The following IST1 variants were observed in gnomAD, a reference collection of about 807,000 sequenced individuals.
IST1 encodes IST1 factor associated with ESCRT-III, also known as IST1 homolog.
Under a neutral mutation model 37.0 loss-of-function variants are expected in IST1, and 23 were observed. The observed-to-expected ratio is 0.62, with a 90% CI of 0.45 to 0.88. The LOEUF (loss-of-function observed/expected upper bound fraction) is 0.88. Ranked by LOEUF, IST1 falls within the 40% of genes least tolerant of loss-of-function variation. IST1 has a pLI of 0.00. For missense variants in IST1, 488 were observed against 445.4 expected, an observed-to-expected ratio of 1.10 and a Z score of -0.86; for synonymous variants, 180 against 161.7, an observed-to-expected ratio of 1.11 and a Z score of -0.86.
At chr16:71,922,753 C>A in intron 7 of IST1, 73 bp downstream of exon 7, 2 of 1,256,556 alleles carry the variant, frequency 1.6e-6, no homozygotes, top group Non-Finnish European at 2.3e-6. Flanking sequence ...TGAACACACT[C>A]AGGAATCATA....
chr16:71,894,772 G>T, upstream of IST1: 1 of 1,267,452 alleles, frequency 7.9e-7, no homozygotes, highest in Non-Finnish European at 1.1e-6. Context: ...CCGGGCTCAA[G>T]CGATCCTCCC....
At chr16:71,927,509 G>C in intron 9 of IST1, 105 bp from the exon 10 acceptor site, 1 of 801,524 alleles carries the variant, frequency 1.2e-6, no homozygotes, top group Non-Finnish European at 2.0e-6. Context: ...AAAAGTTTGT[G>C]AACTAAGGTT....
intron 1 of IST1, among the ~76,000 whole-genome samples, chr16:71,904,203 A>C (rs1397805465): frequency 6.6e-6 from 1 of 152,124 alleles, no homozygotes; most frequent in African/African-American, 2.4e-5. Flanking sequence ...CGCTCGCTGC[A>C]ATCTCTGCCT....
At position 71,929,552 on chromosome 16, in the gene IST1, C is replaced by G; in HGVS notation, c.*1739C>G. The G allele has an allele frequency of 1.3e-6, 2 of 1,550,974 alleles. No homozygotes were observed. The highest frequency in any genetic ancestry group is 1.2e-5 in the South Asian group (1 of 83,824). On this transcript the variant is annotated 3_prime_UTR_variant, in exon 10 of 10. Transcript: ENST00000378799. The stretch of plus-strand genomic sequence containing the variant: ...AGATAACAGGATTAAGGTAGTTCAT[C>G]TAAAACTTCAGTGTCACTGCCCACT...
intron 1 of IST1, among the ~76,000 whole-genome samples, chr16:71,897,123 C>T (rs974488367): frequency 9.2e-5 from 14 of 151,690 alleles, no homozygotes; most frequent in African/African-American, 2.2e-4. Flanking sequence ...AAGTGATCCT[C>T]CCGCCCCAGC....
chr16:71,921,473 C>A lies in IST1; in HGVS notation c.552+20C>A, dbSNP rs1238596145. Reference sequence around the variant, plus strand: ...GTCATGGTAAGTTTATCCCAGAATACAAAGAAAAATGAGTTTGTAGGTATG... The same window carrying A: ...GTCATGGTAAGTTTATCCCAGAATAAAAAGAAAAATGAGTTTGTAGGTATG... On this transcript the variant is annotated intron_variant, in intron 6 of 9. Transcript: ENST00000378799. The A allele has an allele frequency of 2.0e-6, 3 of 1,469,574 alleles. No individual in the cohort carries two copies. The highest frequency in any genetic ancestry group is 1.7e-5 in the Admixed American group (1 of 58,006). 91.0% of individuals were successfully genotyped at this position (1,469,574 alleles called of 1,614,324 possible). A position where few individuals can be genotyped will look rare whatever the true frequency, so the allele number is the denominator to read the frequency against.
At position 71,917,048 on chromosome 16, in the gene IST1, G is replaced by T; in HGVS notation, c.271G>T (p.Glu91Ter). The T allele has an allele frequency of 6.3e-7, 1 of 1,593,548 alleles. No individual in the cohort carries two copies. The highest frequency in any genetic ancestry group is 1.1e-5 in the South Asian group (1 of 87,772). Reference protein sequence around the residue: ...ARFGLIQSMKELDSGLAESVS... With the variant: ...ARFGLIQSMK Reference sequence around the variant, plus strand: ...ATATTAATTTTTTTCCTTGATTAGGGAACTAGATTCTGGTCTGGCTGAATC... The same window carrying T: ...ATATTAATTTTTTTCCTTGATTAGGTAACTAGATTCTGGTCTGGCTGAATC... The change falls in exon 4 of 10, where the codon GAA becomes TAA. Residue 91 changes from glutamate to a stop codon, truncating the protein, a stop_gained and splice_region_variant. Coordinates refer to ENST00000378799, the MANE Select transcript of IST1 (RefSeq NM_001270975.2). LOFTEE classifies it high-confidence loss of function.
intron 8 of IST1, among the ~76,000 whole-genome samples, chr16:71,923,672 G>A (rs1011610429): frequency 6.6e-6 from 1 of 152,188 alleles, no homozygotes; most frequent in African/African-American, 2.4e-5. Context: ...CAGTTGTTTT[G>A]ACCGACTAGG....
chr16:71,925,055 C>CAGGCTGG (rs2037706922), intron 9 of IST1, among the ~76,000 whole-genome samples: 1 of 149,778 alleles, frequency 6.7e-6, no homozygotes. Flanking sequence ...CTCTGTTGTC[C>CAGGCTGG]AGGCTGGAGT....
intron 1 of IST1, 87 bp downstream of exon 1, chr16:71,895,676 G>A: frequency 4.2e-6 from 2 of 479,264 alleles, no homozygotes; most frequent in Non-Finnish European, 5.4e-6. Context: ...TAGCGCTAGG[G>A]CCCGGGATTC....
At chr16:71,903,244 G>A (rs1428135518) in intron 1 of IST1, 1 of 152,200 alleles carries the variant, frequency 6.6e-6, no homozygotes, top group African/African-American at 2.4e-5. Context: ...GCCTCCCAAA[G>A]TGCTGGAATT....
rs770882620 is a variant in IST1 at position 71,927,947 on chromosome 16, T to C, written c.*134T>C. On this transcript the variant is annotated 3_prime_UTR_variant, in exon 10 of 10. Transcript: ENST00000378799. The stretch of plus-strand genomic sequence containing the variant: ...GCACAACACTCCCTCTGGGCTCTCT[T>C]CCTGCTCCTCCAGATTCTGCTGCTT... 25 of 658,850 alleles carry C rather than the reference T, an allele frequency of 3.8e-5. No individual in the cohort carries two copies. In the Middle Eastern group the frequency reaches 1.3e-3, roughly 33 times the overall value. 40.8% of individuals were successfully genotyped at this position (658,850 alleles called of 1,614,324 possible).
At position 71,929,791 on chromosome 16, in the gene IST1, T is replaced by A. The variant is rs970737871; in HGVS notation, c.*1978T>A. ...AATTAGTAAATGTAAAGATACTATT[T>A]CTTTAATAATTTGCAGTCAGGCATT... On this transcript the variant is annotated 3_prime_UTR_variant, in exon 10 of 10. Coordinates refer to ENST00000378799, the MANE Select transcript of IST1 (RefSeq NM_001270975.2). 1.2e-5 allele frequency: 14 copies of A among 1,150,284 alleles called. No homozygotes were observed. Among genetic ancestry groups the A allele is most frequent in the African/African-American group, 3.1e-5 (2 of 63,610 alleles). 71.3% of individuals were successfully genotyped at this position (1,150,284 alleles called of 1,614,324 possible).
chr16:71,921,043 A>G (rs1597252905), intron 5 of IST1: 7 of 618,244 alleles, frequency 1.1e-5, no homozygotes, highest in South Asian at 7.2e-5. Context: ...CCCACTTTGT[A>G]TGCCTCGTGT....
intron 1 of IST1, among the ~76,000 whole-genome samples, chr16:71,902,513 G>A (rs1350969557): frequency 6.6e-6 from 1 of 152,164 alleles, no homozygotes. Context: ...CAAGTAATCT[G>A]CCCGCCTCGG....
chr16:71,929,989 G>GA lies in IST1; in HGVS notation c.*2176_*2177insA. The GA allele has an allele frequency of 1.4e-6, 2 of 1,469,620 alleles. No homozygotes were observed. The highest frequency in any genetic ancestry group is 2.6e-5 in the South Asian group (2 of 75,764). 91.0% of individuals were successfully genotyped at this position (1,469,620 alleles called of 1,614,324 possible). Reference sequence around the variant, plus strand: ...ATTATGTCAGCCCGTCATCTTAGGGGCAGTTACAGTGGAGCTTTCCCAGTG... The same window carrying GA: ...ATTATGTCAGCCCGTCATCTTAGGGGACAGTTACAGTGGAGCTTTCCCAGTG... On this transcript the variant is annotated 3_prime_UTR_variant, in exon 10 of 10. Coordinates refer to ENST00000378799, the MANE Select transcript of IST1 (RefSeq NM_001270975.2).
intron 8 of IST1, among the ~76,000 whole-genome samples, chr16:71,923,791 T>C (rs902744511): frequency 6.6e-6 from 1 of 152,114 alleles, no homozygotes; most frequent in African/African-American, 2.4e-5. Flanking sequence ...ACCAGATTGA[T>C]CTTAATCAGA....
chr16:71,916,351 G>A, intron 2 of IST1, 111 bp from the exon 3 acceptor site: 1 of 998,566 alleles, frequency 1.0e-6, no homozygotes, highest in Non-Finnish European at 1.5e-6. Flanking sequence ...TAAAGGAGAG[G>A]AGCTAGGATA....
intron 4 of IST1, 22 bp from the exon 5 acceptor site, chr16:71,920,717 T>A (rs1274020236): frequency 1.3e-6 from 2 of 1,583,072 alleles, no homozygotes; most frequent in African/African-American, 1.3e-5. Flanking sequence ...CTATTTTTAT[T>A]TGCTGTCCTT....
Sources: allele counts gnomAD v4.1 joint callset (sites outside exome capture counted in the v4.1 genomes callset), GRCh38; gene constraint gnomAD v4.1.1; transcripts MANE v1.5; gene names NCBI Gene and HGNC (gene_info 2026-07-23, HGNC 2026-07-21).